DNAH9: variants seen among roughly 807,000 people sequenced by gnomAD.
The protein encoded by DNAH9 is DNAH9 variant protein.
In DNAH9, 345 loss-of-function variants were observed where a neutral mutation model predicts 471.6. The observed-to-expected ratio is 0.73, with a 90% CI of 0.67 to 0.80. The LOEUF (loss-of-function observed/expected upper bound fraction) is 0.80. DNAH9 is among the 30% of genes least tolerant of loss of function. The probability of loss-of-function intolerance (pLI) is 0.00; values close to 1 mark genes in which losing one functional copy is unlikely to be tolerated. For synonymous variants in DNAH9, 2,093 were observed against 2,123.6 expected (o/e 0.99, Z 0.40); for missense variants, 5,407 against 5,609.2 (o/e 0.96, Z 1.15).
rs1567783174 is a variant in DNAH9, at chr17:11,762,761, T to TTTTTTTTTG, written c.6996-670_6996-662dup. Among the ~76,000 whole-genome samples, 126 of 102,468 alleles carry TTTTTTTTTG rather than the reference T, an allele frequency of 1.2e-3. 1 individual carries two copies. Among genetic ancestry groups the TTTTTTTTTG allele is most frequent in the African/African-American group, 4.5e-3 (118 of 25,990 alleles). The allele number at this position is 102,468 out of a possible 152,430, so 67.2% of individuals were successfully genotyped here. ...CCAAAATTGCCTCTTTAGGTGCGTTTTTTTTTTTGTTTTTTTTTTTTTTTT... is the reference window on the plus strand; with the variant it reads ...CCAAAATTGCCTCTTTAGGTGCGTTTTTTTTTTTGTTTTTTTTGTTTTTTTTTTTTTTTT... On this transcript the variant is annotated intron_variant, in intron 35 of 68. Transcript: ENST00000262442.
chr17:11,701,265 T>C lies in DNAH9; in HGVS notation c.5151+18T>C. The C allele has an allele frequency of 6.2e-7, 1 of 1,612,148 alleles. No individual in the cohort carries two copies. The highest frequency in any genetic ancestry group is 8.5e-7 in the Non-Finnish European group (1 of 1,179,532). On this transcript the variant is annotated intron_variant, in intron 24 of 68. Transcript: ENST00000262442. ...CAGCTCAGGTATTCTCCTAATGGGA[T>C]CCCCATCCTCCATGGTTGGGGCTGT...
intron 41 of DNAH9, 124 bp downstream of exon 41, chr17:11,784,663 A>G: frequency 7.4e-7 from 1 of 1,355,060 alleles, no homozygotes. Flanking sequence ...TTCATATGTA[A>G]TCATGAACAT....
At chr17:11,921,773 CGCCTCATTGT>C (rs1488857599) in intron 61 of DNAH9, among the ~76,000 whole-genome samples, 1 of 152,112 alleles carries the variant, frequency 6.6e-6, no homozygotes, top group Non-Finnish European at 1.5e-5. Context: ...CTTTCTTCTC[CGCCTCATTGT>C]CATGCCTCAA....
chr17:11,671,220 A>C (rs1196152255), intron 17 of DNAH9, among the ~76,000 whole-genome samples: 2 of 152,206 alleles, frequency 1.3e-5, no homozygotes, highest in African/African-American at 4.8e-5. Flanking sequence ...TTCAAAATGC[A>C]TGTTTTATTA....
At chr17:11,898,930 G>A (rs1973308443) in intron 59 of DNAH9, among the ~76,000 whole-genome samples, 1 of 152,058 alleles carries the variant, frequency 6.6e-6, no homozygotes, top group African/African-American at 2.4e-5. Context: ...TTGTTTTGTG[G>A]GCTAAGCTCA....
chr17:11,961,937 C>T lies in DNAH9; in HGVS notation c.12914C>T (p.Ser4305Phe). Reference protein sequence around the residue: ...NALYFDMVPESWARRAYPSTA... With the variant: ...NALYFDMVPEFWARRAYPSTA... The stretch of plus-strand genomic sequence containing the variant: ...CTGTACTTCGATATGGTGCCAGAGT[C>T]CTGGGCTAGACGAGCCTACCCTTCC... Residue 4305 changes from serine to phenylalanine, a missense_variant, in exon 68 of 69, where the codon TCC (serine) becomes TTC (phenylalanine). By Grantham distance (155) the Ser-to-Phe change is radical (BLOSUM62 -2). This residue lies in a region of DNAH9 where 4,636 missense variants were observed against 4,900.3 expected (regional missense o/e 0.95). Transcript: ENST00000262442. 6.2e-7 allele frequency: 1 copy of T among 1,614,202 alleles called. No homozygotes were observed. The highest frequency in any genetic ancestry group is 8.5e-7 in the Non-Finnish European group (1 of 1,180,046).
At chr17:11,821,831 T>C in intron 45 of DNAH9, 89 bp from the exon 46 acceptor site, 1 of 1,457,766 alleles carries the variant, frequency 6.9e-7, no homozygotes, top group Non-Finnish European at 9.3e-7. Flanking sequence ...ACCACTGACC[T>C]GTGTCCTAAG....
At position 11,946,747 on chromosome 17, in the gene DNAH9, G is replaced by GA. The variant is rs373278555; in HGVS notation, c.12843+4271dup. Among the ~76,000 whole-genome samples the GA allele has an allele frequency of 6.1e-3, 882 of 145,132 alleles. 5 individuals are homozygous for GA. Among genetic ancestry groups the GA allele is most frequent in the Non-Finnish European group, 9.7e-3 (636 of 65,876 alleles). Reference sequence around the variant, plus strand: ...ATAACGGTATTTTAAAATTGAAAAAGAAAAAAAAATGCTTGCAAGCCGAAA... The same window carrying GA: ...ATAACGGTATTTTAAAATTGAAAAAGAAAAAAAAAATGCTTGCAAGCCGAAA... On this transcript the variant is annotated intron_variant, in intron 67 of 68. Transcript: ENST00000262442.
chr17:11,765,861 G>T (rs1328859142), intron 36 of DNAH9, among the ~76,000 whole-genome samples: 80 of 152,198 alleles, frequency 5.3e-4, no homozygotes, highest in Admixed American at 5.2e-3. Flanking sequence ...TGACCTGTGG[G>T]CTGGGAAAAC....
chr17:11,926,454 G>A (rs938988048), intron 62 of DNAH9, among the ~76,000 whole-genome samples: 4 of 152,102 alleles, frequency 2.6e-5, no homozygotes, highest in African/African-American at 9.7e-5. Flanking sequence ...CCCGCCCCGT[G>A]TGTCCATGTG....
At chr17:11,731,553 C>A (rs60997683) in intron 28 of DNAH9, among the ~76,000 whole-genome samples, 1 of 113,914 alleles carries the variant, frequency 8.8e-6, no homozygotes, top group East Asian at 3.2e-4. Flanking sequence ...TCCCCCCTCC[C>A]CCCACCCAAC....
chr17:11,728,684 A>T (rs920549254), intron 28 of DNAH9, among the ~76,000 whole-genome samples: 30 of 152,204 alleles, frequency 2.0e-4, no homozygotes, highest in African/African-American at 7.0e-4. Context: ...TCCCATGAAC[A>T]ATCGGAGCAG....
chr17:11,742,038 G>A, intron 29 of DNAH9, 137 bp from the exon 30 acceptor site: 2 of 695,230 alleles, frequency 2.9e-6, no homozygotes, highest in Admixed American at 2.5e-5. Context: ...ATGAAATAAT[G>A]GCTCAGGTCT....
Position 11,921,022 on chromosome 17 carries a change from T to A in DNAH9, c.11750-2792T>A, listed in dbSNP as rs1483138475. On this transcript the variant is annotated intron_variant, in intron 61 of 68. Coordinates refer to ENST00000262442, the MANE Select transcript of DNAH9 (RefSeq NM_001372.4). ...CAGTCATGGTGGCGGGCACCTGTAA[T>A]CCCAGCTACTTGGGAGGCTGAGGCA... Among the ~76,000 whole-genome samples the A allele has an allele frequency of 3.3e-5, 5 of 152,094 alleles. No individual in the cohort carries two copies. In the East Asian group the frequency reaches 9.8e-4, roughly 30 times the overall value.
At chr17:11,913,123 A>G (rs1364545531) in intron 61 of DNAH9, among the ~76,000 whole-genome samples, 3 of 152,122 alleles carry the variant, frequency 2.0e-5, no homozygotes, top group African/African-American at 7.2e-5. Flanking sequence ...AGCCAAGGTT[A>G]CACCACTGCA....
Position 11,619,758 on chromosome 17 carries a change from C to A in DNAH9, c.1327C>A (p.Leu443Met), listed in dbSNP as rs1462205163. The stretch of plus-strand genomic sequence containing the variant: ...GGTCTTTGTGCGATTGGATGGCTTC[C>A]TGGGACAACTGCACGTGGTGGAGGT... ...SLVFVRLDGF[L>M]GQLHVVEGLL... The change falls in exon 6 of 69, where the codon CTG becomes ATG. Residue 443 changes from leucine (L) to methionine (M), a missense_variant. Physicochemically the swap from Leu to Met is conservative, Grantham distance 15. Transcript: ENST00000262442. 1 of 1,612,198 alleles carries A rather than the reference C, an allele frequency of 6.2e-7. No homozygotes were observed. The highest frequency in any genetic ancestry group is 8.5e-7 in the Non-Finnish European group (1 of 1,178,256).
intron 10 of DNAH9, among the ~76,000 whole-genome samples, chr17:11,642,329 A>G (rs1404948518): frequency 2.0e-5 from 3 of 151,404 alleles, no homozygotes; most frequent in Non-Finnish European, 4.4e-5. Context: ...CCCTGAGGTC[A>G]GGAGTTTGCA....
chr17:11,871,181 G>A (rs978242850), intron 51 of DNAH9, among the ~76,000 whole-genome samples: 1 of 152,130 alleles, frequency 6.6e-6, no homozygotes, highest in Non-Finnish European at 1.5e-5. Context: ...TATGGTGCAT[G>A]GACTTGATTT....
chr17:11,957,143 T>C (rs1975684707), intron 67 of DNAH9, among the ~76,000 whole-genome samples: 1 of 152,124 alleles, frequency 6.6e-6, no homozygotes, highest in Non-Finnish European at 1.5e-5. Context: ...TTTTCTGCAA[T>C]TAAATTCAAC....
Sources: allele counts gnomAD v4.1 joint callset (sites outside exome capture counted in the v4.1 genomes callset), GRCh38; gene constraint gnomAD v4.1.1; regional missense constraint gnomAD v4.1.1; transcripts MANE v1.5; gene names NCBI Gene and HGNC (gene_info 2026-07-23, HGNC 2026-07-21).